ZNF382: variants seen among roughly 807,000 people sequenced by gnomAD.
The protein encoded by ZNF382 is zinc finger protein 382.
ZNF382 carries 20 observed loss-of-function variants against 38.8 expected under a neutral mutation model. That is an observed-to-expected ratio of 0.51 (90% CI 0.36 to 0.75). The LOEUF is 0.75. Among genes scored for constraint, ZNF382 ranks in the 30% least tolerant of loss-of-function variants. The probability of loss-of-function intolerance (pLI) is 0.00; values close to 1 mark genes in which losing one functional copy is unlikely to be tolerated. For missense variants in ZNF382, 546 were observed against 654.1 expected, an observed-to-expected ratio of 0.83 and a Z score of 1.80; for synonymous variants, 202 against 223.1, an observed-to-expected ratio of 0.91 and a Z score of 0.84.
At chr19:36,625,483 G>A (rs897011271) in intron 4 of ZNF382, among the ~76,000 whole-genome samples, 11 of 151,404 alleles carry the variant, frequency 7.3e-5, no homozygotes, top group South Asian at 2.1e-4. Context: ...GCTCACTTCA[G>A]CAGCTTTGAA....
chr19:36,616,460 G>A (rs1309809970), intron 4 of ZNF382, among the ~76,000 whole-genome samples: 6 of 152,114 alleles, frequency 3.9e-5, no homozygotes, highest in African/African-American at 1.4e-4. Context: ...ATACATAGGC[G>A]GACAGACCCA....
intron 4 of ZNF382, among the ~76,000 whole-genome samples, chr19:36,613,129 TG>T (rs2037092346): frequency 6.6e-6 from 1 of 152,182 alleles, no homozygotes; most frequent in Non-Finnish European, 1.5e-5. Context: ...TTAGGTAGTA[TG>T]TATTTTTCCT....
intron 4 of ZNF382, among the ~76,000 whole-genome samples, chr19:36,620,231 T>C (rs1404894636): frequency 6.6e-6 from 1 of 152,186 alleles, no homozygotes; most frequent in African/African-American, 2.4e-5. Context: ...AAATGGTAAT[T>C]TGAAGATCAC....
At chr19:36,624,375 T>C (rs1472727380) in intron 4 of ZNF382, among the ~76,000 whole-genome samples, 2 of 152,260 alleles carry the variant, frequency 1.3e-5, no homozygotes, top group Non-Finnish European at 2.9e-5. Flanking sequence ...TGACACAGTT[T>C]TACCTGTTCA....
At chr19:36,614,880 C>CTTTCTTCCT (rs1555793078) in intron 4 of ZNF382, among the ~76,000 whole-genome samples, 2 of 89,894 alleles carry the variant, frequency 2.2e-5, no homozygotes, top group Admixed American at 2.2e-4. Flanking sequence ...TTCTTTCTTT[C>CTTTCTTCCT]TTCCTTTCCT....
chr19:36,621,259 G>C (rs932897996), intron 4 of ZNF382, among the ~76,000 whole-genome samples: 2 of 149,536 alleles, frequency 1.3e-5, no homozygotes, highest in East Asian at 2.0e-4. Context: ...TCCAAAATGA[G>C]AGCCATATCA....
rs1445992919 is a variant in ZNF382 at position 36,627,023 on chromosome 19, G to A, written c.1126G>A (p.Gly376Arg). Reference sequence around the variant, plus strand: ...CACTAGACATCACAAAACACATACGGGGGAGAAAGCCTATGAATGTCCTCA... The same window carrying A: ...CACTAGACATCACAAAACACATACGAGGGAGAAAGCCTATGAATGTCCTCA... ...TLTRHHKTHT[G>R]EKAYECPQCG... Residue 376 changes from glycine (G) to arginine (R), a missense_variant, in exon 5 of 5, where the codon GGG (glycine) becomes AGG (arginine). Coordinates refer to ENST00000292928, the MANE Select transcript of ZNF382 (RefSeq NM_032825.5). The A allele has an allele frequency of 2.5e-6, 4 of 1,613,754 alleles. No homozygotes were observed. The highest frequency in any genetic ancestry group is 3.4e-6 in the Non-Finnish European group (4 of 1,179,962).
chr19:36,619,254 T>G (rs1192446866), intron 4 of ZNF382, among the ~76,000 whole-genome samples: 2 of 152,110 alleles, frequency 1.3e-5, no homozygotes, highest in Non-Finnish European at 2.9e-5. Context: ...GCAACTTGAT[T>G]GATTAAATGC....
rs2037270829 is a variant in ZNF382, at chr19:36,634,011, T to TA, written c.*6467dup. ...TTTGTATCCTGCTTGTGGTCATAGA[T>TA]AAAAAATCTATGCATGTGTAAAAAA... On this transcript the variant is annotated 3_prime_UTR_variant, in exon 5 of 5. Coordinates refer to ENST00000292928, the MANE Select transcript of ZNF382 (RefSeq NM_032825.5). 1 of 146,704 alleles carries TA rather than the reference T, an allele frequency of 6.8e-6. No homozygotes were observed. The highest frequency in any genetic ancestry group is 1.6e-5 in the Non-Finnish European group (1 of 64,476). 9.1% of individuals were successfully genotyped at this position (146,704 alleles called of 1,614,324 possible).
chr19:36,618,378 T>TG (rs914422046), intron 4 of ZNF382, among the ~76,000 whole-genome samples: 2 of 152,226 alleles, frequency 1.3e-5, no homozygotes, highest in African/African-American at 4.8e-5. Context: ...AATCTTGCCC[T>TG]GCAGCAATGT....
In ZNF382 at chr19:36,632,254, TCTC is replaced by T; in HGVS notation, c.*4705_*4707del. 1 of 152,242 alleles carries T rather than the reference TCTC, an allele frequency of 6.6e-6. No homozygotes were observed. The highest frequency in any genetic ancestry group is 1.5e-5 in the Non-Finnish European group (1 of 68,128). 9.4% of individuals were successfully genotyped at this position (152,242 alleles called of 1,614,324 possible). ...CCCAGGCTGGAGTGCAATGGTGCAA[TCTC>T]AGCCCACTGCAACCTCCGCCTCCCA... On this transcript the variant is annotated 3_prime_UTR_variant, in exon 5 of 5. Coordinates refer to ENST00000292928, the MANE Select transcript of ZNF382 (RefSeq NM_032825.5).
chr19:36,623,548 G>T (rs919099264), intron 4 of ZNF382, among the ~76,000 whole-genome samples: 2 of 152,090 alleles, frequency 1.3e-5, no homozygotes, highest in Non-Finnish European at 2.9e-5. Context: ...TCAGCATTTT[G>T]GGAGGCCAGG....
intron 4 of ZNF382, among the ~76,000 whole-genome samples, chr19:36,623,891 C>A (rs1045826653): frequency 2.6e-5 from 4 of 151,478 alleles, no homozygotes; most frequent in African/African-American, 9.7e-5. Context: ...GAGTTCGAGA[C>A]CAGCCTGGCC....
Position 36,628,048 on chromosome 19 carries a change from C to T in ZNF382, c.*498C>T, listed in dbSNP as rs2037229470. 6.4e-6 allele frequency: 1 copy of T among 155,228 alleles called. No individual in the cohort carries two copies. The highest frequency in any genetic ancestry group is 1.4e-5 in the Non-Finnish European group (1 of 69,922). The allele number at this position is 155,228 out of a possible 1,614,324, so 9.6% of individuals were successfully genotyped here. A position where few individuals can be genotyped will look rare whatever the true frequency, so the allele number is the denominator to read the frequency against. Reference sequence around the variant, plus strand: ...ACAAATTAGTTTTTACTATTATAAACCTTTCTATAAATTGGATTATATATC... The same window carrying T: ...ACAAATTAGTTTTTACTATTATAAATCTTTCTATAAATTGGATTATATATC... On this transcript the variant is annotated 3_prime_UTR_variant, in exon 5 of 5. Coordinates refer to ENST00000292928, the MANE Select transcript of ZNF382 (RefSeq NM_032825.5).
intron 4 of ZNF382, among the ~76,000 whole-genome samples, chr19:36,624,490 G>A (rs144788904): frequency 0.01 from 1,525 of 152,246 alleles, 31 homozygotes; most frequent in African/African-American, 0.035. Flanking sequence ...CCCAAATATG[G>A]ATGGTAGTAA....
intron 4 of ZNF382, among the ~76,000 whole-genome samples, chr19:36,621,338 T>TG (rs997704091): frequency 1.3e-5 from 2 of 150,984 alleles, no homozygotes; most frequent in African/African-American, 4.9e-5. Context: ...TTTTTTTTTT[T>TG]TTTTTTTTCC....
Position 36,610,632 on chromosome 19 carries a change from C to A in ZNF382, c.140-18C>A. On this transcript the variant is annotated intron_variant, in intron 3 of 4. Transcript: ENST00000292928. ...AGTCGAAACAGCTTAGACCAAAAGT[C>A]TCATTTTCCATCATCAGGGTTTCAC... is the stretch of plus-strand genomic sequence containing the variant. 6.2e-7 allele frequency: 1 copy of A among 1,600,850 alleles called. No homozygotes were observed. Among genetic ancestry groups the A allele is most frequent in the South Asian group, 1.1e-5 (1 of 88,474 alleles).
chr19:36,615,581 A>G (rs1320105873), intron 4 of ZNF382, among the ~76,000 whole-genome samples: 1 of 152,218 alleles, frequency 6.6e-6, no homozygotes, highest in African/African-American at 2.4e-5. Context: ...AAATTTTATA[A>G]TACATTAAAC....
At chr19:36,612,327 C>T (rs2033077) in intron 4 of ZNF382, among the ~76,000 whole-genome samples, 50,679 of 152,118 alleles carry the variant, frequency 0.33, 8,759 homozygotes, top group South Asian at 0.42. Context: ...TTCCATTGTA[C>T]GAGTATACCA....
Sources: allele counts gnomAD v4.1 joint callset (sites outside exome capture counted in the v4.1 genomes callset), GRCh38; gene constraint gnomAD v4.1.1; transcripts MANE v1.5; gene names NCBI Gene and HGNC (gene_info 2026-07-23, HGNC 2026-07-21).